FUT8: variants seen among roughly 807,000 people sequenced by gnomAD.
The protein encoded by FUT8 is alpha-(1,6)-fucosyltransferase.
FUT8 carries 29 observed loss-of-function variants against 71.3 expected under a neutral mutation model. The observed-to-expected ratio is 0.41, with a 90% CI of 0.30 to 0.55. FUT8 has a LOEUF of 0.55. Among genes scored for constraint, FUT8 ranks in the 20% least tolerant of loss-of-function variants. FUT8 has a pLI of 0.34. For missense variants in FUT8, 544 were observed against 702.1 expected (o/e 0.77, Z 2.55); for synonymous variants, 254 against 239.3 (o/e 1.06, Z -0.57).
intron 2 of FUT8, among the ~76,000 whole-genome samples, chr14:65,536,937 T>C (rs1884352440): frequency 6.6e-6 from 1 of 151,768 alleles, no homozygotes; most frequent in Admixed American, 6.6e-5. Flanking sequence ...CTGGAGGTTT[T>C]GCTATTCCCT....
intron 7 of FUT8, among the ~76,000 whole-genome samples, chr14:65,720,231 C>G (rs1895345159): frequency 6.6e-6 from 1 of 152,350 alleles, no homozygotes; most frequent in South Asian, 2.1e-4. Context: ...AAGAGTCTCT[C>G]CCTATGGCCA....
chr14:65,671,856 A>T (rs552508878), intron 7 of FUT8, among the ~76,000 whole-genome samples: 1 of 152,292 alleles, frequency 6.6e-6, no homozygotes, highest in South Asian at 2.1e-4. Flanking sequence ...GTGAATTTTA[A>T]TAAGCTCCTT....
intron 3 of FUT8, among the ~76,000 whole-genome samples, chr14:65,576,014 A>G (rs1886756429): frequency 6.6e-6 from 1 of 152,212 alleles, no homozygotes; most frequent in Non-Finnish European, 1.5e-5. Context: ...TAGCTTTTAT[A>G]TAAATAATCA....
chr14:65,408,861 A>G (rs2065097488), upstream of FUT8, among the ~76,000 whole-genome samples: 1 of 152,208 alleles, frequency 6.6e-6, no homozygotes, highest in African/African-American at 2.4e-5. Context: ...GAAAATATAG[A>G]TTCTTAGCTA....
At chr14:65,409,055 C>G (rs368582544), upstream of FUT8, among the ~76,000 whole-genome samples, 9 of 152,204 alleles carry the variant, frequency 5.9e-5, no homozygotes, top group South Asian at 1.7e-3. This position sits in a 1 kb window ranked among gnomAD's most constrained non-coding sequence, Gnocchi z 5.4. Context: ...TTAGAACTGA[C>G]GAACAACTAA....
chr14:65,530,239 C>A (rs1230627040), intron 2 of FUT8, among the ~76,000 whole-genome samples: 1 of 152,170 alleles, frequency 6.6e-6, no homozygotes. Flanking sequence ...CTCCTACATA[C>A]TACAGTCCCA....
At chr14:65,409,689 AG>A (rs1475318639), upstream of FUT8, among the ~76,000 whole-genome samples, 2 of 152,318 alleles carry the variant, frequency 1.3e-5, no homozygotes, top group South Asian at 2.1e-4. This position sits in a 1 kb window ranked among gnomAD's most constrained non-coding sequence, Gnocchi z 5.4. Flanking sequence ...CCATAGTCTA[AG>A]GGTTGACTCC....
rs770347513 is a variant in FUT8 at position 65,451,613 on chromosome 14, G to C, written c.-325-4008G>C. The stretch of plus-strand genomic sequence containing the variant: ...TCCTGAGCTCTTGTCTGGCGCCCAG[G>C]AAAAATGAGGTTACATGAATGAATT... On this transcript the variant is annotated intron_variant, in intron 1 of 10. Transcript: ENST00000673929. Among the ~76,000 whole-genome samples, 167 of 152,198 alleles carry C rather than the reference G, an allele frequency of 1.1e-3. 1 individual carries two copies. The highest frequency in any genetic ancestry group is 9.8e-4 in the Admixed American group (15 of 15,288).
intron 2 of FUT8, among the ~76,000 whole-genome samples, chr14:65,470,410 C>T (rs1045923836): frequency 1.3e-5 from 2 of 152,166 alleles, no homozygotes; most frequent in Non-Finnish European, 2.9e-5. Flanking sequence ...GTCTACCACC[C>T]AGGCTTGGGT....
At chr14:65,507,268 T>G (rs1190608485) in intron 2 of FUT8, among the ~76,000 whole-genome samples, 3 of 152,214 alleles carry the variant, frequency 2.0e-5, no homozygotes, top group African/African-American at 4.8e-5. Context: ...ATTACTGAAG[T>G]TATGCAAACT....
chr14:65,377,826 A>G, the FUT8 span, among the ~76,000 whole-genome samples: 1 of 152,110 alleles, frequency 6.6e-6, no homozygotes, highest in African/African-American at 2.4e-5. Flanking sequence ...AAATTAAACA[A>G]TGATAGGGTG....
rs1017862446 is a variant in FUT8 at position 65,467,068 on chromosome 14, C to A, written c.-228+11350C>A. On this transcript the variant is annotated intron_variant, in intron 2 of 10. Coordinates refer to ENST00000673929, the MANE Select transcript of FUT8 (RefSeq NM_001371533.1). The surrounding 1 kb of genome is among the most constrained non-coding windows in gnomAD (Gnocchi z 4.1). ...GTTTTACCTTTATTTTTTTCCTCTA[C>A]ACTCTTCCTTTCTTTTTGTAATCCA... Among the ~76,000 whole-genome samples the A allele has an allele frequency of 1.1e-4, 17 of 152,164 alleles. No homozygotes were observed. The South Asian group carries it at 1.9e-3, about 17-fold the overall frequency.
At chr14:65,528,715 T>C (rs1295638165) in intron 2 of FUT8, 2 of 152,122 alleles carry the variant, frequency 1.3e-5, no homozygotes, top group East Asian at 3.9e-4. Flanking sequence ...ATAAAATTGA[T>C]AAGATACACA....
At chr14:65,393,266 G>T in the FUT8 span, among the ~76,000 whole-genome samples, 2 of 151,846 alleles carry the variant, frequency 1.3e-5, no homozygotes, top group African/African-American at 4.8e-5. Flanking sequence ...ATAATATATA[G>T]GATGGAAATT....
chr14:65,402,839 A>G, the FUT8 span, among the ~76,000 whole-genome samples: 1 of 152,222 alleles, frequency 6.6e-6, no homozygotes, highest in Non-Finnish European at 1.5e-5. Flanking sequence ...TGAAATAAAT[A>G]CAAGTTAACC....
Position 65,638,448 on chromosome 14 carries a change from GAGAA to G in FUT8, c.597+8846_597+8849del, listed in dbSNP as rs937273013. 4.6e-5 allele frequency among the ~76,000 whole-genome samples: 7 copies of G among 151,656 alleles called. No homozygotes were observed. The highest frequency in any genetic ancestry group is 1.2e-4 in the African/African-American group (5 of 41,322). ...TAGATTATTTTTCTTTTTTTTTTGA[GAGAA>G]AGAGAGGAAAAAAGGTGTGAAAATG... On this transcript the variant is annotated intron_variant, in intron 6 of 10. Coordinates refer to ENST00000673929, the MANE Select transcript of FUT8 (RefSeq NM_001371533.1). The surrounding 1 kb of genome is among the most constrained non-coding windows in gnomAD (Gnocchi z 4.5).
chr14:65,560,080 A>G (rs17102767), intron 2 of FUT8, among the ~76,000 whole-genome samples: 1,595 of 152,166 alleles, frequency 0.01, 29 homozygotes, highest in African/African-American at 0.037. Flanking sequence ...TTCTCTTTGA[A>G]TATTGGTGTT....
At position 65,467,627 on chromosome 14, in the gene FUT8, T is replaced by C. The variant is rs768618165; in HGVS notation, c.-228+11909T>C. Among the ~76,000 whole-genome samples, 6 of 151,982 alleles carry C rather than the reference T, an allele frequency of 3.9e-5. No homozygotes were observed. Among genetic ancestry groups the C allele is most frequent in the Non-Finnish European group, 8.8e-5 (6 of 67,956 alleles). On this transcript the variant is annotated intron_variant, in intron 2 of 10. Transcript: ENST00000673929. This position sits in a 1 kb window ranked among gnomAD's most constrained non-coding sequence, Gnocchi z 4.1. ...GAGTAGCTGGAATTAGAGGCGCCCA[T>C]CACCACGCCCAGCTAATTTTTTGTA...
the FUT8 span, among the ~76,000 whole-genome samples, chr14:65,377,656 G>C: frequency 6.6e-6 from 1 of 152,134 alleles, no homozygotes; most frequent in African/African-American, 2.4e-5. Flanking sequence ...GTAGAAAGGA[G>C]GATCCTCTTT....
Sources: allele counts gnomAD v4.1 joint callset (sites outside exome capture counted in the v4.1 genomes callset), GRCh38; gene constraint gnomAD v4.1.1; non-coding constraint Gnocchi (gnomAD v3.1); transcripts MANE v1.5; gene names NCBI Gene and HGNC (gene_info 2026-07-23, HGNC 2026-07-21).